The following ADAM12 variants were observed in gnomAD, a reference collection of about 807,000 sequenced individuals.
ADAM12 encodes disintegrin and metalloproteinase domain-containing protein 12.
Under a neutral mutation model 106.4 loss-of-function variants are expected in ADAM12, and 70 were observed. The observed-to-expected ratio is 0.66, with a 90% confidence interval of 0.54 to 0.80. ADAM12 has a LOEUF of 0.80. Among genes scored for constraint, ADAM12 ranks in the 30% least tolerant of loss-of-function variants. The pLI is 0.00. For synonymous variants in ADAM12, 420 were observed against 433.5 expected (o/e 0.97, Z 0.39); for missense variants, 1,010 against 1,171.9 (o/e 0.86, Z 2.02).
chr10:126,013,495 C>T lies in ADAM12; in HGVS notation c.*3784G>A, dbSNP rs1403473287. Reference sequence around the variant, plus strand: ...TGGGAGGTCCTCTGCTGGACTTAGGCTGGTGGGGTTGCTCTGGGCTGCAGC... The same window carrying T: ...TGGGAGGTCCTCTGCTGGACTTAGGTTGGTGGGGTTGCTCTGGGCTGCAGC... On this transcript the variant is annotated 3_prime_UTR_variant, in exon 23 of 23. Coordinates refer to ENST00000448723, the MANE Select transcript of ADAM12 (RefSeq NM_001288973.2). The surrounding 1 kb of genome is among the most constrained non-coding windows in gnomAD (Gnocchi z 4.3). 6.6e-6 allele frequency: 1 copy of T among 152,308 alleles called. No individual in the cohort carries two copies. Among genetic ancestry groups the T allele is most frequent in the African/African-American group, 2.4e-5 (1 of 41,434 alleles). The allele number at this position is 152,308 out of a possible 1,614,324, so 9.4% of individuals were successfully genotyped here.
chr10:126,098,808 AT>A (rs1955605398), intron 9 of ADAM12, among the ~76,000 whole-genome samples: 1 of 152,202 alleles, frequency 6.6e-6, no homozygotes, highest in African/African-American at 2.4e-5. Flanking sequence ...CATTTAAACA[AT>A]GTCTGCTGAT....
intron 3 of ADAM12, among the ~76,000 whole-genome samples, chr10:126,246,901 G>A (rs1958641263): frequency 6.6e-6 from 1 of 152,184 alleles, no homozygotes; most frequent in Non-Finnish European, 1.5e-5. Flanking sequence ...GCAAGAGAAA[G>A]TATTAAAGGG....
chr10:126,202,218 T>C (rs1424686422), intron 3 of ADAM12, among the ~76,000 whole-genome samples: 1 of 152,278 alleles, frequency 6.6e-6, no homozygotes, highest in Non-Finnish European at 1.5e-5. Flanking sequence ...TTAGTACCTG[T>C]GGAAAACTTT....
chr10:126,079,163 T>C (rs1307463497), intron 11 of ADAM12, among the ~76,000 whole-genome samples: 1 of 152,248 alleles, frequency 6.6e-6, no homozygotes, highest in African/African-American at 2.4e-5. Flanking sequence ...GCTAAATTGA[T>C]GTTGAATTTA....
intron 1 of ADAM12, among the ~76,000 whole-genome samples, chr10:126,347,844 G>A (rs1036821962): frequency 6.6e-6 from 1 of 152,106 alleles, no homozygotes; most frequent in Non-Finnish European, 1.5e-5. Flanking sequence ...AAACTTCTGG[G>A]TCACCCTGAA....
rs186369614 is a variant in ADAM12, at chr10:126,181,280, G to A, written c.261-25975C>T. Reference sequence around the variant, plus strand: ...AGAGATGGGGTTTCACCATGTTGGCGAGGCTGACCTCCAACTCCTGACCTC... The same window carrying A: ...AGAGATGGGGTTTCACCATGTTGGCAAGGCTGACCTCCAACTCCTGACCTC... On this transcript the variant is annotated intron_variant, in intron 3 of 22. Coordinates refer to ENST00000448723, the MANE Select transcript of ADAM12 (RefSeq NM_001288973.2). Among the ~76,000 whole-genome samples the A allele has an allele frequency of 1.9e-4, 29 of 152,052 alleles. No individual in the cohort carries two copies. In the East Asian group the frequency reaches 5.0e-3, roughly 26 times the overall value.
chr10:126,063,149 GC>G lies in ADAM12; in HGVS notation c.1609+1656del, dbSNP rs1954792504. On this transcript the variant is annotated intron_variant, in intron 14 of 22. Coordinates refer to ENST00000448723, the MANE Select transcript of ADAM12 (RefSeq NM_001288973.2). ...AGGGTCCAAGGATGAAGTACTAAGG[GC>G]CCGGGAACTGCAGGCCTCCCCATCC... 2.0e-5 allele frequency among the ~76,000 whole-genome samples: 3 copies of G among 152,326 alleles called. 1 individual carries two copies. The South Asian group carries it at 6.2e-4, about 32-fold the overall frequency.
chr10:126,090,255 AC>A (rs1330018011), intron 11 of ADAM12, among the ~76,000 whole-genome samples: 1 of 145,004 alleles, frequency 6.9e-6, no homozygotes, highest in Non-Finnish European at 1.5e-5. Flanking sequence ...AGATTCACCT[AC>A]CCCACCCGAG....
At chr10:126,120,542 T>C (rs1278620867) in intron 5 of ADAM12, among the ~76,000 whole-genome samples, 1 of 152,152 alleles carries the variant, frequency 6.6e-6, no homozygotes, top group African/African-American at 2.4e-5. Context: ...TTTCTTCCTG[T>C]GACATTAGTT....
At chr10:126,170,225 T>G (rs775921233) in intron 3 of ADAM12, among the ~76,000 whole-genome samples, 7 of 152,092 alleles carry the variant, frequency 4.6e-5, no homozygotes, top group East Asian at 1.9e-4. Flanking sequence ...AATTTGCTCC[T>G]CTCTGCTTGC....
At chr10:126,348,392 T>C (rs1252987292) in intron 1 of ADAM12, among the ~76,000 whole-genome samples, 3 of 152,060 alleles carry the variant, frequency 2.0e-5, no homozygotes, top group African/African-American at 2.4e-5. Flanking sequence ...GGCATTCACG[T>C]GGGAGGATGG....
intron 1 of ADAM12, among the ~76,000 whole-genome samples, chr10:126,362,582 A>AGT: frequency 6.6e-6 from 1 of 152,208 alleles, no homozygotes; most frequent in Non-Finnish European, 1.5e-5. Context: ...AAGAAAATGT[A>AGT]GTATATATAC....
intron 3 of ADAM12, among the ~76,000 whole-genome samples, chr10:126,237,726 C>T (rs182888511): frequency 2.4e-4 from 37 of 152,280 alleles, no homozygotes; most frequent in East Asian, 1.2e-3. Context: ...CCCAATCACA[C>T]GCTGACAATC....
chr10:126,362,263 C>T (rs1855767645), intron 1 of ADAM12, among the ~76,000 whole-genome samples: 1 of 151,974 alleles, frequency 6.6e-6, no homozygotes, highest in African/African-American at 2.4e-5. Flanking sequence ...TCAGAATGGC[C>T]ATTATCAAAA....
intron 20 of ADAM12, among the ~76,000 whole-genome samples, chr10:126,037,051 T>TCTG (rs1954073255): frequency 6.6e-6 from 1 of 152,186 alleles, no homozygotes; most frequent in Admixed American, 6.5e-5. Context: ...CAATCATCAG[T>TCTG]CTGCTTTCTG....
At chr10:126,033,342 C>T (rs529818296) in intron 21 of ADAM12, among the ~76,000 whole-genome samples, 1 of 152,264 alleles carries the variant, frequency 6.6e-6, no homozygotes, top group Non-Finnish European at 1.5e-5. Context: ...CAAAAAAATA[C>T]AAGGAGAAAT....
chr10:126,243,501 G>GTGTGTGTGTGTGTGTGTGTGTGTGTT (rs1958570826), intron 3 of ADAM12, among the ~76,000 whole-genome samples: 4 of 151,442 alleles, frequency 2.6e-5, no homozygotes, highest in African/African-American at 9.7e-5. Flanking sequence ...GTGTGTGTGT[G>GTGTGTGTGTGTGTGTGTGTGTGTGTT]TGTGTGTGTG....
At chr10:126,034,106 G>A (rs1365786092) in intron 21 of ADAM12, among the ~76,000 whole-genome samples, 4 of 152,318 alleles carry the variant, frequency 2.6e-5, no homozygotes, top group Admixed American at 6.5e-5. Context: ...GAGGAAAAGC[G>A]ACCTAAAAGG....
At chr10:126,193,625 G>A (rs995985841) in intron 3 of ADAM12, among the ~76,000 whole-genome samples, 5 of 152,116 alleles carry the variant, frequency 3.3e-5, no homozygotes, top group Admixed American at 6.5e-5. Flanking sequence ...GGCCAGGTGC[G>A]GTGGCTCACG....
Sources: gnomAD v4.1 joint callset for allele counts (sites outside exome capture counted in the v4.1 genomes callset) on GRCh38, gnomAD v4.1.1 for gene constraint, Gnocchi (gnomAD v3.1) non-coding constraint, MANE v1.5 for transcripts, NCBI Gene and HGNC (gene_info 2026-07-23, HGNC 2026-07-21) for gene names.